The following WNT5B variants were observed in gnomAD, a reference collection of about 807,000 sequenced individuals.
The protein encoded by WNT5B is protein Wnt-5b.
In WNT5B, 18 loss-of-function variants were observed where a neutral mutation model predicts 36.5. That is an observed-to-expected ratio of 0.49 (90% CI 0.34 to 0.73). WNT5B has a LOEUF of 0.73. Among genes scored for constraint, WNT5B ranks in the 30% least tolerant of loss-of-function variants. The probability of loss-of-function intolerance (pLI) is 0.01; values close to 1 mark genes in which losing one functional copy is unlikely to be tolerated. For synonymous variants in WNT5B, 213 were observed against 212.3 expected (o/e 1.00, Z -0.03); for missense variants, 424 against 508.4 (o/e 0.83, Z 1.60).
intron 2 of WNT5B, among the ~76,000 whole-genome samples, chr12:1,631,833 G>C (rs2094551463): frequency 6.6e-6 from 1 of 152,184 alleles, no homozygotes; most frequent in South Asian, 2.1e-4. Context: ...CAGATGAGGG[G>C]TTCACAGCAC....
At chr12:1,641,930 G>A (rs1417655587) in intron 4 of WNT5B, among the ~76,000 whole-genome samples, 3 of 152,268 alleles carry the variant, frequency 2.0e-5, no homozygotes. Context: ...GGAATGTGGT[G>A]CACCTGTGTG....
At chr12:1,626,713 C>T (rs983246275), upstream of WNT5B, among the ~76,000 whole-genome samples, 22 of 152,002 alleles carry the variant, frequency 1.4e-4, no homozygotes, top group Admixed American at 2.6e-4. Context: ...TACAGGCGCC[C>T]GCCACCACAC....
intron 1 of WNT5B, among the ~76,000 whole-genome samples, chr12:1,623,606 A>G (rs2094537368): frequency 6.6e-6 from 1 of 152,182 alleles, no homozygotes; most frequent in Admixed American, 6.5e-5. Context: ...TATCGAAGTA[A>G]GAGCCTTTCT....
At chr12:1,627,585 A>C (rs551308866), upstream of WNT5B, among the ~76,000 whole-genome samples, 2 of 152,296 alleles carry the variant, frequency 1.3e-5, no homozygotes, top group Middle Eastern at 6.8e-3. The surrounding 1 kb of genome is among the most constrained non-coding windows in gnomAD (Gnocchi z 5.0). Context: ...AAGGAAATGA[A>C]AGTGAGTGAC....
chr12:1,631,107 G>A (rs2094549885), intron 1 of WNT5B, 191 bp from the exon 2 acceptor site: 1 of 401,656 alleles, frequency 2.5e-6, no homozygotes, highest in African/African-American at 2.0e-5. Context: ...CCCACAGTTT[G>A]GGGTAAGAGA....
intron 3 of WNT5B, among the ~76,000 whole-genome samples, chr12:1,638,728 G>A (rs987379698): frequency 2.0e-5 from 3 of 152,252 alleles, no homozygotes; most frequent in African/African-American, 7.2e-5. Context: ...AGGTGCTGTA[G>A]ATGTTGTTCC....
In WNT5B at chr12:1,642,608, G is replaced by A. The variant is rs555272274; in HGVS notation, c.621+2632G>A. Among the ~76,000 whole-genome samples, 10 of 152,296 alleles carry A rather than the reference G, an allele frequency of 6.6e-5. 1 individual carries two copies. The South Asian group carries it at 1.7e-3, about 25-fold the overall frequency. ...GGTCAGATTCACGGAGGCTGCTTGT[G>A]GCTCTGCTGAGCTGCGCTGTGGTGT... On this transcript the variant is annotated intron_variant, in intron 4 of 4. Transcript: ENST00000397196.
chr12:1,626,909 G>A (rs1187798721), upstream of WNT5B, among the ~76,000 whole-genome samples: 1 of 152,200 alleles, frequency 6.6e-6, no homozygotes, highest in Non-Finnish European at 1.5e-5. Context: ...TCCCCACTGG[G>A]TGACCAAGTA....
Position 1,632,626 on chromosome 12 carries a change from C to A in WNT5B, c.81-32C>A. On this transcript the variant is annotated intron_variant, in intron 2 of 4. Coordinates refer to ENST00000397196, the MANE Select transcript of WNT5B (RefSeq NM_032642.3). This position sits in a 1 kb window ranked among gnomAD's most constrained non-coding sequence, Gnocchi z 5.8. Reference sequence around the variant, plus strand: ...CACAGGCGTATGCTCACTCCTGGGCCTTTTTTTCCCCTTTCTGGATTGCTG... The same window carrying A: ...CACAGGCGTATGCTCACTCCTGGGCATTTTTTTCCCCTTTCTGGATTGCTG... 6.3e-7 allele frequency: 1 copy of A among 1,579,644 alleles called. No homozygotes were observed. Among genetic ancestry groups the A allele is most frequent in the Non-Finnish European group, 8.6e-7 (1 of 1,156,094 alleles).
intron 1 of WNT5B, among the ~76,000 whole-genome samples, chr12:1,623,187 G>GGTTTTT (rs1334820900): frequency 1.7e-5 from 1 of 58,366 alleles, no homozygotes; most frequent in African/African-American, 7.2e-5. Context: ...GTTTTTTGTT[G>GGTTTTT]TTTTTTTTTT....
intron 3 of WNT5B, among the ~76,000 whole-genome samples, chr12:1,634,578 G>C (rs1469733380): frequency 6.6e-6 from 1 of 152,146 alleles, no homozygotes; most frequent in Non-Finnish European, 1.5e-5. Flanking sequence ...GCCCTATTCC[G>C]TTACAAAATG....
At chr12:1,631,799 T>C (rs1001589020) in intron 2 of WNT5B, among the ~76,000 whole-genome samples, 63 of 152,204 alleles carry the variant, frequency 4.1e-4, no homozygotes, top group African/African-American at 1.4e-3. Flanking sequence ...GGATATAGAA[T>C]TCCTCTTTTA....
chr12:1,628,546 G>C (rs945105756), upstream of WNT5B, among the ~76,000 whole-genome samples: 1 of 152,142 alleles, frequency 6.6e-6, no homozygotes, highest in African/African-American at 2.4e-5. Context: ...TGCCTGTTGG[G>C]CATTTACCAG....
rs747693269 is a variant in WNT5B, at chr12:1,639,994, G to A, written c.621+18G>A. ...GTCGCAGGGTAAGCTGGGCCTCCCC[G>A]GCCTCCCCAGCACTGCAGACCTAGG... On this transcript the variant is annotated intron_variant, in intron 4 of 4. Transcript: ENST00000397196. 9 of 1,600,072 alleles carry A rather than the reference G, an allele frequency of 5.6e-6. No homozygotes were observed. In the Admixed American group the frequency reaches 6.9e-5, roughly 12 times the overall value.
chr12:1,642,463 G>T lies in WNT5B; in HGVS notation c.621+2487G>T, dbSNP rs77707735. Among the ~76,000 whole-genome samples, 360 of 152,300 alleles carry T rather than the reference G, an allele frequency of 2.4e-3. 2 individuals carry two copies. Among genetic ancestry groups the T allele is most frequent in the African/African-American group, 8.4e-3 (349 of 41,564 alleles). On this transcript the variant is annotated intron_variant, in intron 4 of 4. Coordinates refer to ENST00000397196, the MANE Select transcript of WNT5B (RefSeq NM_032642.3). ...TCTACCTTTGCCTTGGTAGGTTGGC[G>T]GTAGGTTCCTGTGGGCAGGGATTGC...
chr12:1,625,687 G>A (rs1016044372), upstream of WNT5B, among the ~76,000 whole-genome samples: 11 of 152,054 alleles, frequency 7.2e-5, no homozygotes, highest in East Asian at 7.7e-4. Flanking sequence ...TTTTTGAGAC[G>A]GAGTCTCACT....
chr12:1,638,024 G>A (rs1399814807), intron 3 of WNT5B, among the ~76,000 whole-genome samples: 1 of 152,300 alleles, frequency 6.6e-6, no homozygotes, highest in Non-Finnish European at 1.5e-5. Flanking sequence ...CCAGGCGGGC[G>A]GATCACGAGG....
intron 3 of WNT5B, among the ~76,000 whole-genome samples, chr12:1,635,188 C>T (rs766341585): frequency 6.6e-6 from 1 of 152,232 alleles, no homozygotes; most frequent in African/African-American, 2.4e-5. Context: ...GGCAGCGCAC[C>T]GGAGGACAAA....
chr12:1,626,698 G>T (rs539767251), upstream of WNT5B, among the ~76,000 whole-genome samples: 10 of 152,096 alleles, frequency 6.6e-5, no homozygotes, highest in African/African-American at 2.4e-4. Flanking sequence ...CTGAGTAGCT[G>T]GGACTACAGG....
Sources: allele counts gnomAD v4.1 joint callset (sites outside exome capture counted in the v4.1 genomes callset), GRCh38; gene constraint gnomAD v4.1.1; non-coding constraint Gnocchi (gnomAD v3.1); transcripts MANE v1.5; gene names NCBI Gene and HGNC (gene_info 2026-07-23, HGNC 2026-07-21).